Variants in PDE6A observed in about 807,000 individuals in gnomAD.
PDE6A encodes rod cGMP-specific 3',5'-cyclic phosphodiesterase subunit alpha.
A neutral mutation model predicts 106.3 loss-of-function variants in PDE6A; 84 were observed. That is an observed-to-expected ratio of 0.79 (90% CI 0.66 to 0.95). The LOEUF is 0.95. PDE6A is among the 40% of genes least tolerant of loss of function. The pLI, the probability that PDE6A is intolerant of heterozygous loss-of-function variation, is 0.00. For missense variants in PDE6A, 1,052 were observed against 1,084.9 expected (o/e 0.97, Z 0.43); for synonymous variants, 394 against 386.6 (o/e 1.02, Z -0.23).
intron 5 of PDE6A, among the ~76,000 whole-genome samples, chr5:149,921,178 T>C (rs1753707788): frequency 6.6e-6 from 1 of 152,162 alleles, no homozygotes; most frequent in African/African-American, 2.4e-5. Flanking sequence ...TTTCTGGGTC[T>C]CTTTCCACAG....
At chr5:149,868,024 A>G in intron 18 of PDE6A, 71 bp downstream of exon 18, 1 of 1,441,716 alleles carries the variant, frequency 6.9e-7, no homozygotes. Context: ...GGGCTGAGAG[A>G]GTCCAAGCCT....
intron 7 of PDE6A, among the ~76,000 whole-genome samples, chr5:149,905,390 A>T (rs72830278): frequency 0.12 from 17,947 of 152,194 alleles, 1,092 homozygotes; most frequent in South Asian, 0.18. Flanking sequence ...TCTCCATGGC[A>T]TCAGAATTGT....
Position 149,886,337 on chromosome 5 carries a change from G to A in PDE6A, c.1766C>T (p.Ala589Val), listed in dbSNP as rs1177742087. 1.9e-6 allele frequency: 3 copies of A among 1,614,176 alleles called. No homozygotes were observed. The highest frequency in any genetic ancestry group is 2.2e-5 in the East Asian group (1 of 44,882). Residue 589 changes from alanine to valine, a missense_variant, in exon 14 of 22, where the codon GCC (alanine) becomes GTC (valine). Ala to Val is a moderately conservative substitution (Grantham distance 64). Around this residue, in one of 3 missense-constraint regions of PDE6A, gnomAD observed 913 missense variants for 915.2 expected, o/e 1.00. Transcript: ENST00000255266. ...GAAAGCAGCAGTGACCATGGCCAAG[G>A]CCTCTAGGTCCGTGAAGTAGCGCTT... Reference protein sequence around the residue: ...KLKRYFTDLEALAMVTAAFCH... With the variant: ...KLKRYFTDLEVLAMVTAAFCH...
chr5:149,863,210 A>G lies in PDE6A; in HGVS notation c.2415T>C (p.Asn805=), dbSNP rs775209788. Residue 805 remains asparagine (N), a synonymous_variant, in exon 21 of 22, where the codon AAT becomes AAC. Coordinates refer to ENST00000255266, the MANE Select transcript of PDE6A (RefSeq NM_000440.3). This position sits in a 1 kb window ranked among gnomAD's most constrained non-coding sequence, Gnocchi z 4.7. Reference sequence around the variant, plus strand: ...CAGCAAGCGCCTTCCACTCCTTGCGATTGTTGGTGATCCCGTCCAACATTG... The same window carrying G: ...CAGCAAGCGCCTTCCACTCCTTGCGGTTGTTGGTGATCCCGTCCAACATTG... The part of the protein sequence containing the change: ...ITPMLDGITN[N]RKEWKALADE... 12 of 1,613,998 alleles carry G rather than the reference A, an allele frequency of 7.4e-6. No homozygotes were observed.
At chr5:149,907,878 CA>C (rs1158663701) in intron 6 of PDE6A, among the ~76,000 whole-genome samples, 4 of 152,172 alleles carry the variant, frequency 2.6e-5, no homozygotes, top group Non-Finnish European at 5.9e-5. Flanking sequence ...TTAAAAACTT[CA>C]CCAATCATTA....
intron 17 of PDE6A, among the ~76,000 whole-genome samples, chr5:149,881,383 G>A (rs1760916572): frequency 1.3e-5 from 2 of 152,122 alleles, no homozygotes. Context: ...AAGAAAATGT[G>A]TTCCATACGT....
At chr5:149,924,782 CTGACCCT>C (rs1176746958) in intron 4 of PDE6A, among the ~76,000 whole-genome samples, 2 of 152,192 alleles carry the variant, frequency 1.3e-5, no homozygotes, top group African/African-American at 4.8e-5. Context: ...AGATGTAAAC[CTGACCCT>C]TGATTCGACC....
intron 20 of PDE6A, among the ~76,000 whole-genome samples, chr5:149,865,517 C>T (rs1342579871): frequency 6.6e-6 from 1 of 152,122 alleles, no homozygotes; most frequent in African/African-American, 2.4e-5. Flanking sequence ...GTCAGAGCAC[C>T]CCAGTTAGTC....
At chr5:149,894,237 T>C (rs562203331) in intron 13 of PDE6A, among the ~76,000 whole-genome samples, 2 of 152,292 alleles carry the variant, frequency 1.3e-5, no homozygotes, top group African/African-American at 4.8e-5. Context: ...TGAACAAAAC[T>C]GAATGTTGCA....
rs774910563 is a variant in PDE6A at position 149,870,760 on chromosome 5, G to A, written c.2136-2602C>T. On this transcript the variant is annotated intron_variant, in intron 17 of 21. Transcript: ENST00000255266. ...CTGCAGGGAGGTCATAGTCACTCAA[G>A]GAACACAGGGCAAAAAAAAAAAAAA... 6.0e-4 allele frequency among the ~76,000 whole-genome samples: 70 copies of A among 116,078 alleles called. 2 individuals are homozygous for A. Among genetic ancestry groups the A allele is most frequent in the Middle Eastern group, 0.013 (2 of 158 alleles). The allele number at this position is 116,078 out of a possible 152,430, so 76.2% of individuals were successfully genotyped here.
intron 17 of PDE6A, among the ~76,000 whole-genome samples, chr5:149,869,325 A>G (rs1433601814): frequency 1.6e-5 from 2 of 126,736 alleles, no homozygotes; most frequent in African/African-American, 3.1e-5. Context: ...TCGAGACTCC[A>G]TATCAAAAAA....
chr5:149,895,241 G>A lies in PDE6A; in HGVS notation c.1670C>T (p.Thr557Ile), dbSNP rs1168935377. 1 of 1,614,144 alleles carries A rather than the reference G, an allele frequency of 6.2e-7. No individual in the cohort carries two copies. The highest frequency in any genetic ancestry group is 1.1e-5 in the South Asian group (1 of 91,084). The stretch of plus-strand genomic sequence containing the variant: ...GAAGCCGTGCCGCCAGTTGTGGTAG[G>A]TGATCTTGCGGTAGCCCTTACTCAG... ...YSLSKGYRKI[T>I]YHNWRHGFNV... Residue 557 changes from threonine to isoleucine, a missense_variant, in exon 13 of 22, where the codon ACC becomes ATC. Coordinates refer to ENST00000255266, the MANE Select transcript of PDE6A (RefSeq NM_000440.3).
At chr5:149,929,524 G>A (rs919028070) in intron 4 of PDE6A, among the ~76,000 whole-genome samples, 5 of 152,008 alleles carry the variant, frequency 3.3e-5, no homozygotes, top group African/African-American at 1.2e-4. Context: ...GGAGAATGGC[G>A]TGAACCCGGG....
chr5:149,912,631 G>A (rs558742408), intron 6 of PDE6A, among the ~76,000 whole-genome samples: 1 of 152,240 alleles, frequency 6.6e-6, no homozygotes, highest in African/African-American at 2.4e-5. Context: ...TGCTTTATCA[G>A]CCTTGGCTCC....
At chr5:149,913,029 G>T (rs1409833217) in intron 6 of PDE6A, among the ~76,000 whole-genome samples, 1 of 152,000 alleles carries the variant, frequency 6.6e-6, no homozygotes, top group Non-Finnish European at 1.5e-5. Context: ...AAACAGAATT[G>T]TTGAAGAGTA....
In PDE6A at chr5:149,896,362, T is replaced by C. The variant is rs139697733; in HGVS notation, c.1614A>G (p.Pro538=). 6.0e-4 allele frequency: 964 copies of C among 1,613,038 alleles called. 4 individuals are homozygous for C. Among genetic ancestry groups the C allele is most frequent in the South Asian group, 3.8e-3 (343 of 91,052 alleles). Residue 538 remains proline, a synonymous_variant, in exon 12 of 22, where the codon CCA becomes CCG. Coordinates refer to ENST00000255266, the MANE Select transcript of PDE6A (RefSeq NM_000440.3). ...ATATTTGTTTTGACCTCACCTCTTG[T>C]GGAATGTGAAATTTATCCACCACTT... The part of the protein sequence containing the change: ...ELKVVDKFHI[P]QEALVRFMYS...
intron 1 of PDE6A, among the ~76,000 whole-genome samples, chr5:149,936,984 G>A (rs1485049324): frequency 5.3e-5 from 8 of 152,066 alleles, no homozygotes; most frequent in African/African-American, 1.2e-4. Context: ...TTCAAACGGC[G>A]AGACAGACAA....
rs781620274 is a variant in PDE6A, at chr5:149,921,767, T to C, written c.859-58A>G. On this transcript the variant is annotated intron_variant, in intron 4 of 21. Transcript: ENST00000255266. ...TGAAAAGAGATCAAGGAAAGGAGATTAAGATGTCCCACCTCCATGAGTCAG... is the reference window on the plus strand; with the variant it reads ...TGAAAAGAGATCAAGGAAAGGAGATCAAGATGTCCCACCTCCATGAGTCAG... The C allele has an allele frequency of 2.8e-5, 37 of 1,332,742 alleles. 1 individual carries two copies. Among genetic ancestry groups the C allele is most frequent in the Non-Finnish European group, 3.3e-5 (31 of 926,882 alleles). 82.6% of individuals were successfully genotyped at this position (1,332,742 alleles called of 1,614,324 possible).
intron 6 of PDE6A, among the ~76,000 whole-genome samples, chr5:149,914,297 A>T (rs1367689659): frequency 6.7e-6 from 1 of 149,140 alleles, no homozygotes; most frequent in Admixed American, 6.7e-5. Flanking sequence ...CCTCCTTCCC[A>T]CTCTCCCTGC....
Sources: allele counts gnomAD v4.1 joint callset (sites outside exome capture counted in the v4.1 genomes callset), GRCh38; gene constraint gnomAD v4.1.1; regional missense constraint gnomAD v4.1.1; non-coding constraint Gnocchi (gnomAD v3.1); transcripts MANE v1.5; gene names NCBI Gene and HGNC (gene_info 2026-07-23, HGNC 2026-07-21).